CFAP299: variants seen among roughly 807,000 people sequenced by gnomAD.
The protein encoded by CFAP299 is cilia- and flagella-associated protein 299.
CFAP299 carries 21 observed loss-of-function variants against 27.0 expected under a neutral mutation model. The observed-to-expected ratio is 0.78, with a 90% CI of 0.55 to 1.12. The LOEUF is 1.12. CFAP299 is among the 50% of genes most tolerant of loss of function. The pLI is 0.00. For missense variants in CFAP299, 310 were observed against 276.6 expected, an observed-to-expected ratio of 1.12 and a Z score of -0.86; for synonymous variants, 104 against 98.1, an observed-to-expected ratio of 1.06 and a Z score of -0.36.
intron 3 of CFAP299, among the ~76,000 whole-genome samples, chr4:80,867,846 A>G (rs944518297): frequency 3.7e-4 from 57 of 152,352 alleles, no homozygotes; most frequent in African/African-American, 1.2e-3. Context: ...GGAGGACACA[A>G]TTGAACCCAT....
chr4:80,568,437 AT>A (rs1735419417), intron 2 of CFAP299, among the ~76,000 whole-genome samples: 2 of 152,064 alleles, frequency 1.3e-5, no homozygotes, highest in Admixed American at 6.6e-5. Context: ...AATTTAATCA[AT>A]TTTCTCTTTA....
intron 3 of CFAP299, among the ~76,000 whole-genome samples, chr4:80,729,277 T>C (rs952733131): frequency 2.0e-5 from 3 of 152,212 alleles, no homozygotes; most frequent in African/African-American, 7.2e-5. Flanking sequence ...CCTTAACCCA[T>C]GCCTGAAAAT....
intron 3 of CFAP299, among the ~76,000 whole-genome samples, chr4:80,718,906 A>G (rs1722647508): frequency 6.6e-6 from 1 of 152,126 alleles, no homozygotes; most frequent in South Asian, 2.1e-4. Context: ...TCCATTGATG[A>G]CAGATTGGAT....
intron 2 of CFAP299, among the ~76,000 whole-genome samples, chr4:80,370,567 C>G (rs1379498448): frequency 2.6e-5 from 4 of 152,336 alleles, no homozygotes; most frequent in Middle Eastern, 6.8e-3. Context: ...GGTAAGTACC[C>G]TTGTTCCAAA....
At chr4:80,620,224 C>T (rs954791365) in intron 3 of CFAP299, among the ~76,000 whole-genome samples, 1 of 152,218 alleles carries the variant, frequency 6.6e-6, no homozygotes, top group African/African-American at 2.4e-5. Context: ...GATTTATAGA[C>T]ACAACAATCT....
At chr4:80,507,144 C>A (rs147671168) in intron 2 of CFAP299, among the ~76,000 whole-genome samples, 1 of 152,078 alleles carries the variant, frequency 6.6e-6, no homozygotes, top group Non-Finnish European at 1.5e-5. Flanking sequence ...CTCATACTCT[C>A]ATGGAGGCTT....
chr4:80,527,392 C>T (rs958862181), intron 2 of CFAP299, among the ~76,000 whole-genome samples: 4 of 151,988 alleles, frequency 2.6e-5, no homozygotes, highest in South Asian at 2.1e-4. Flanking sequence ...TTCATCACAA[C>T]GTTAGTTTAT....
At chr4:80,483,182 A>C (rs115852295) in intron 2 of CFAP299, among the ~76,000 whole-genome samples, 4 of 152,224 alleles carry the variant, frequency 2.6e-5, no homozygotes, top group Non-Finnish European at 5.9e-5. Flanking sequence ...TTGACCTGCC[A>C]TTGCTGGCTT....
rs891441008 is a variant in CFAP299 at position 80,891,470 on chromosome 4, A to G, written c.476+21335A>G. On this transcript the variant is annotated intron_variant, in intron 4 of 5. Transcript: ENST00000358105. ...ATGAGTTCATGTCCTTTGTAGGGAC[A>G]TGGATGAAATTGGAATCCATCATTC... 2.0e-5 allele frequency among the ~76,000 whole-genome samples: 3 copies of G among 150,632 alleles called. No individual in the cohort carries two copies. In the East Asian group the frequency reaches 5.9e-4, roughly 29 times the overall value.
intron 3 of CFAP299, among the ~76,000 whole-genome samples, chr4:80,767,693 T>A (rs772245543): frequency 6.6e-6 from 1 of 152,236 alleles, no homozygotes; most frequent in Non-Finnish European, 1.5e-5. Context: ...TAACAGAAAT[T>A]GCTGAAAGGA....
chr4:80,369,666 C>T (rs1444370876), intron 2 of CFAP299, among the ~76,000 whole-genome samples: 4 of 152,230 alleles, frequency 2.6e-5, no homozygotes, highest in African/African-American at 9.6e-5. Flanking sequence ...CATGTCTCCT[C>T]TTCTTGCCTG....
intron 2 of CFAP299, among the ~76,000 whole-genome samples, chr4:80,575,924 A>G (rs927287740): frequency 1.3e-5 from 2 of 151,982 alleles, no homozygotes; most frequent in Admixed American, 6.6e-5. Flanking sequence ...TTCTCAGCAA[A>G]CTATCGCAAG....
At chr4:80,937,448 C>T (rs57965494) in intron 4 of CFAP299, among the ~76,000 whole-genome samples, 5,109 of 150,170 alleles carry the variant, frequency 0.034, 200 homozygotes, top group African/African-American at 0.096. Flanking sequence ...TCCTGAGTTT[C>T]TGGGGCTACA....
Position 80,366,691 on chromosome 4 carries a change from C to T in CFAP299, c.242+3807C>T, listed in dbSNP as rs138396387. Among the ~76,000 whole-genome samples, 55 of 152,208 alleles carry T rather than the reference C, an allele frequency of 3.6e-4. No homozygotes were observed. In the Middle Eastern group the frequency reaches 0.031, roughly 85 times the overall value. On this transcript the variant is annotated intron_variant, in intron 2 of 5. Transcript: ENST00000358105. Reference sequence around the variant, plus strand: ...ATTCAACGTAGAGTTACTATATGACCCAGCAATTCTACCAAACACATATTC... The same window carrying T: ...ATTCAACGTAGAGTTACTATATGACTCAGCAATTCTACCAAACACATATTC...
At chr4:80,670,250 A>G (rs1462584880) in intron 3 of CFAP299, among the ~76,000 whole-genome samples, 1 of 150,548 alleles carries the variant, frequency 6.6e-6, no homozygotes, top group Admixed American at 6.7e-5. Flanking sequence ...TTGGTTTTCT[A>G]TCCTTCTGGT....
chr4:80,874,962 A>G (rs1733294116), intron 4 of CFAP299, among the ~76,000 whole-genome samples: 2 of 152,228 alleles, frequency 1.3e-5, no homozygotes, highest in Non-Finnish European at 2.9e-5. Context: ...ATGTTAAAAT[A>G]ATAATGTGAT....
At chr4:80,554,707 T>A (rs563283767) in intron 2 of CFAP299, among the ~76,000 whole-genome samples, 1 of 152,210 alleles carries the variant, frequency 6.6e-6, no homozygotes, top group Admixed American at 6.6e-5. Flanking sequence ...ATTATTGAGA[T>A]CTTTCATCTC....
At chr4:80,346,393 T>C (rs1578337730) in intron 1 of CFAP299, among the ~76,000 whole-genome samples, 1 of 152,194 alleles carries the variant, frequency 6.6e-6, no homozygotes, top group South Asian at 2.1e-4. Flanking sequence ...TCTTCCAGGG[T>C]TTTTCTGGTT....
intron 3 of CFAP299, among the ~76,000 whole-genome samples, chr4:80,656,727 T>C (rs1184133954): frequency 1.3e-5 from 2 of 152,216 alleles, no homozygotes; most frequent in African/African-American, 4.8e-5. Context: ...TTATAATCCT[T>C]TGGGTGTATA....
Sources: allele counts gnomAD v4.1 joint callset (sites outside exome capture counted in the v4.1 genomes callset), GRCh38; gene constraint gnomAD v4.1.1; transcripts MANE v1.5; gene names NCBI Gene and HGNC (gene_info 2026-07-23, HGNC 2026-07-21).